The following TLE1 variants were observed in gnomAD, a reference collection of about 807,000 sequenced individuals.
The protein encoded by TLE1 is TLE family member 1, transcriptional corepressor.
Under a neutral mutation model 89.8 loss-of-function variants are expected in TLE1, and 21 were observed. The ratio of observed to expected loss-of-function variants is 0.23; its 90% confidence interval spans 0.17 to 0.34. TLE1 has a LOEUF of 0.34. Ranked by LOEUF, TLE1 falls within the 10% of genes least tolerant of loss-of-function variation. The pLI, the probability that TLE1 is intolerant of heterozygous loss-of-function variation, is 1.00. For missense variants in TLE1, 795 were observed against 1,031.2 expected, an observed-to-expected ratio of 0.77 and a Z score of 3.14; for synonymous variants, 447 against 407.6, an observed-to-expected ratio of 1.10 and a Z score of -1.16.
intron 14 of TLE1, among the ~76,000 whole-genome samples, chr9:81,596,309 G>A (rs535102264): frequency 2.0e-5 from 3 of 152,232 alleles, no homozygotes; most frequent in African/African-American, 7.2e-5. Context: ...AAGCCCATAT[G>A]GATGTTAATA....
At position 81,633,145 on chromosome 9, in the gene TLE1, A is replaced by T. The variant is rs146630385; in HGVS notation, c.594+203T>A. 1.2e-3 allele frequency among the ~76,000 whole-genome samples: 186 copies of T among 152,338 alleles called. 1 individual carries two copies. The highest frequency in any genetic ancestry group is 4.2e-3 in the African/African-American group (174 of 41,578). ...TGTCTGATGCAAGTTTTGTAAAAAG[A>T]CAAGAGCAGAGCGAACAGTCATATA... On this transcript the variant is annotated intron_variant, in intron 8 of 19. Transcript: ENST00000376499.
rs746803137 is a variant in TLE1 at position 81,611,783 on chromosome 9, C to T, written c.1240G>A (p.Gly414Arg). The change falls in exon 13 of 20, where the codon GGG (glycine) becomes AGG (arginine). Residue 414 changes from glycine to arginine, a missense_variant. Gly to Arg is a moderately radical substitution (Grantham distance 125). Around this residue, in one of 4 missense-constraint regions of TLE1, gnomAD observed 468 missense variants for 509.1 expected, o/e 0.92. Transcript: ENST00000376499. ...CAGCGGCCTACCATGGGGGAGCGCC[C>T]GTAGGCCACCACGGCGGCCGCGGCG... Reference protein sequence around the residue: ...AAAAAAVVAYGRSPMVGFDPP... With the variant: ...AAAAAAVVAYRRSPMVGFDPP... The T allele has an allele frequency of 3.9e-6, 6 of 1,542,632 alleles. No homozygotes were observed. The highest frequency in any genetic ancestry group is 1.2e-5 in the South Asian group (1 of 81,486).
chr9:81,613,648 A>G lies in TLE1; in HGVS notation c.919-127T>C, dbSNP rs556051312. ...TCCCTCAGCCAATTTTCATAAATCC[A>G]CACAATGTTGACAGCATTAACTTGT... On this transcript the variant is annotated intron_variant, in intron 11 of 19. Coordinates refer to ENST00000376499, the MANE Select transcript of TLE1 (RefSeq NM_005077.5). 1.8e-5 allele frequency: 20 copies of G among 1,091,826 alleles called. No individual in the cohort carries two copies. In the African/African-American group the frequency reaches 2.7e-4, roughly 15 times the overall value. 67.6% of individuals were successfully genotyped at this position (1,091,826 alleles called of 1,614,324 possible). A position where few individuals can be genotyped will look rare whatever the true frequency, so the allele number is the denominator to read the frequency against.
chr9:81,688,129 G>T, intron 1 of TLE1, 88 bp downstream of exon 1: 1 of 1,530,086 alleles, frequency 6.5e-7, no homozygotes, highest in Non-Finnish European at 8.9e-7. Context: ...GGTCCGCCGG[G>T]CCTCAGAAGC....
In TLE1 at chr9:81,675,708, G is replaced by GTT. The variant is rs61458315; in HGVS notation, c.234+9966_234+9967dup. On this transcript the variant is annotated intron_variant, in intron 4 of 19. Coordinates refer to ENST00000376499, the MANE Select transcript of TLE1 (RefSeq NM_005077.5). ...TAAGGACTCACACTAGTTTTTTTTTGTTTTTTTTTTTGAGACGGAGTCTCG... is the reference window on the plus strand; with the variant it reads ...TAAGGACTCACACTAGTTTTTTTTTGTTTTTTTTTTTTTGAGACGGAGTCTCG... 4.8e-4 allele frequency among the ~76,000 whole-genome samples: 64 copies of GTT among 132,446 alleles called. 2 individuals are homozygous for GTT. The highest frequency in any genetic ancestry group is 1.7e-3 in the African/African-American group (57 of 33,186). 86.9% of individuals were successfully genotyped at this position (132,446 alleles called of 152,430 possible).
intron 14 of TLE1, among the ~76,000 whole-genome samples, chr9:81,603,257 A>C (rs1831182459): frequency 1.3e-5 from 2 of 152,160 alleles, no homozygotes; most frequent in African/African-American, 4.8e-5. Flanking sequence ...GTTCCTCTGT[A>C]ATAGCTCCGT....
intron 9 of TLE1, 61 bp from the exon 10 acceptor site, chr9:81,616,760 T>C (rs1292224105): frequency 1.9e-6 from 3 of 1,591,542 alleles, no homozygotes; most frequent in Non-Finnish European, 2.6e-6. Flanking sequence ...GAGGCACAGT[T>C]AGATTTCTTT....
At position 81,634,086 on chromosome 9, in the gene TLE1, C is replaced by G; in HGVS notation, c.577+11G>C. 1 of 1,600,916 alleles carries G rather than the reference C, an allele frequency of 6.2e-7. No homozygotes were observed. Among genetic ancestry groups the G allele is most frequent in the Non-Finnish European group, 8.5e-7 (1 of 1,172,840 alleles). On this transcript the variant is annotated intron_variant, in intron 7 of 19. Coordinates refer to ENST00000376499, the MANE Select transcript of TLE1 (RefSeq NM_005077.5). Reference sequence around the variant, plus strand: ...GGACAAAGTCCTAATCTGGCTTGCCCGGCCTCTCACCTCTGTGGTGCTCTG... The same window carrying G: ...GGACAAAGTCCTAATCTGGCTTGCCGGGCCTCTCACCTCTGTGGTGCTCTG...
chr9:81,681,091 C>T (rs1833564989), intron 4 of TLE1, among the ~76,000 whole-genome samples: 1 of 152,140 alleles, frequency 6.6e-6, no homozygotes, highest in Admixed American at 6.5e-5. Flanking sequence ...AATTTTAAAG[C>T]ACACATCAAA....
intron 11 of TLE1, among the ~76,000 whole-genome samples, chr9:81,613,763 T>G (rs563506110): frequency 6.6e-6 from 1 of 152,292 alleles, no homozygotes; most frequent in East Asian, 1.9e-4. Context: ...CCTCCGCAGA[T>G]TTTATTTTAA....
chr9:81,585,391 A>T, intron 18 of TLE1, 114 bp downstream of exon 18: 3 of 1,317,438 alleles, frequency 2.3e-6, no homozygotes, highest in Non-Finnish European at 3.1e-6. Flanking sequence ...GAATTATTGC[A>T]TCCAGCTGCT....
At chr9:81,640,490 G>A (rs1827971551) in intron 6 of TLE1, among the ~76,000 whole-genome samples, 1 of 152,050 alleles carries the variant, frequency 6.6e-6, no homozygotes, top group Admixed American at 6.6e-5. Context: ...GCCCTAAAGG[G>A]AATGACAAAC....
At chr9:81,616,582 A>C in intron 10 of TLE1, 64 bp downstream of exon 10, 1 of 1,562,260 alleles carries the variant, frequency 6.4e-7, no homozygotes, top group Non-Finnish European at 8.8e-7. Flanking sequence ...ATTCACTGTT[A>C]GTTTTTTTTC....
intron 4 of TLE1, among the ~76,000 whole-genome samples, chr9:81,675,345 T>C (rs1040412039): frequency 2.0e-5 from 3 of 152,070 alleles, no homozygotes; most frequent in Admixed American, 6.6e-5. Context: ...TAATCAGTGG[T>C]TATACTCATT....
chr9:81,632,323 C>A (rs551091839), intron 8 of TLE1, among the ~76,000 whole-genome samples: 1 of 152,158 alleles, frequency 6.6e-6, no homozygotes, highest in Admixed American at 6.5e-5. Context: ...CCACGCACAT[C>A]CAGATACATG....
At chr9:81,629,894 T>G (rs1826357258) in intron 8 of TLE1, among the ~76,000 whole-genome samples, 1 of 152,212 alleles carries the variant, frequency 6.6e-6, no homozygotes, top group Non-Finnish European at 1.5e-5. Context: ...CTGATTACAC[T>G]TCTATTTCCT....
chr9:81,656,069 T>C (rs780323074), intron 4 of TLE1, among the ~76,000 whole-genome samples: 10 of 152,048 alleles, frequency 6.6e-5, no homozygotes, highest in Non-Finnish European at 1.2e-4. Flanking sequence ...CAAAATGTAC[T>C]AGAAGGGGAA....
Position 81,611,852 on chromosome 9 carries a change from A to G in TLE1, c.1171T>C (p.Tyr391His). The change falls in exon 13 of 20, where the codon TAC becomes CAC. Residue 391 changes from tyrosine (Y) to histidine (H), a missense_variant. Physicochemically the swap from Tyr to His is moderately conservative, Grantham distance 83. This residue lies in a region of TLE1 where 468 missense variants were observed against 509.1 expected (regional missense o/e 0.92). Transcript: ENST00000376499. ...NGELTSPGAAYASLHNMSPQM... is the reference protein window; with the variant it reads ...NGELTSPGAAHASLHNMSPQM... ...GGCGACATGTTGTGTAAACTGGCGT[A>G]GGCAGCGCCTGGGCTGGTCAGCTCG... The G allele has an allele frequency of 1.3e-6, 2 of 1,563,696 alleles. No individual in the cohort carries two copies. The highest frequency in any genetic ancestry group is 2.5e-5 in the East Asian group (1 of 39,698).
intron 4 of TLE1, among the ~76,000 whole-genome samples, chr9:81,677,598 G>C (rs1387506587): frequency 6.6e-6 from 1 of 151,104 alleles, no homozygotes; most frequent in Non-Finnish European, 1.5e-5. Context: ...AACAACTCAG[G>C]TAAACGCACT....
Sources: allele counts gnomAD v4.1 joint callset (sites outside exome capture counted in the v4.1 genomes callset), GRCh38; gene constraint gnomAD v4.1.1; regional missense constraint gnomAD v4.1.1; transcripts MANE v1.5; gene names NCBI Gene and HGNC (gene_info 2026-07-23, HGNC 2026-07-21).